The following PLA2G4A variants were observed in gnomAD, a reference collection of about 807,000 sequenced individuals.
The protein encoded by PLA2G4A is cytosolic phospholipase A2.
PLA2G4A carries 40 observed loss-of-function variants against 81.9 expected under a neutral mutation model. That is an observed-to-expected ratio of 0.49 (90% CI 0.38 to 0.64). The LOEUF (loss-of-function observed/expected upper bound fraction) is 0.64. Ranked by LOEUF, PLA2G4A falls within the 30% of genes least tolerant of loss-of-function variation. The pLI is 0.00. For synonymous variants in PLA2G4A, 302 were observed against 296.9 expected, an observed-to-expected ratio of 1.02 and a Z score of -0.18; for missense variants, 715 against 905.1, an observed-to-expected ratio of 0.79 and a Z score of 2.69.
In PLA2G4A at chr1:186,860,567, T is replaced by C. The variant is rs144986800; in HGVS notation, c.33+6180T>C. ...CTGAGACCACTGATTCAAATGGTAA[T>C]GTCGTTTAGAAATACCCTCACAGGC... is the stretch of plus-strand genomic sequence containing the variant. On this transcript the variant is annotated intron_variant, in intron 2 of 17. Transcript: ENST00000367466. 3.2e-3 allele frequency among the ~76,000 whole-genome samples: 481 copies of C among 152,294 alleles called. 2 individuals carry two copies. The highest frequency in any genetic ancestry group is 5.1e-3 in the Non-Finnish European group (347 of 68,026).
At chr1:186,897,984 C>A (rs1201156293) in intron 5 of PLA2G4A, among the ~76,000 whole-genome samples, 2 of 152,104 alleles carry the variant, frequency 1.3e-5, no homozygotes, top group African/African-American at 2.4e-5. Flanking sequence ...CTTTTGGAGT[C>A]TCCAGTGTCT....
chr1:186,833,035 A>G (rs1267198982), intron 1 of PLA2G4A, among the ~76,000 whole-genome samples: 1 of 152,076 alleles, frequency 6.6e-6, no homozygotes, highest in Non-Finnish European at 1.5e-5. Flanking sequence ...GATGGCCAAA[A>G]CCCAGCACCA....
intron 14 of PLA2G4A, among the ~76,000 whole-genome samples, chr1:186,959,376 A>G (rs1344771192): frequency 6.6e-6 from 1 of 152,202 alleles, no homozygotes; most frequent in African/African-American, 2.4e-5. Flanking sequence ...GGCATTATAT[A>G]AACCAATTTT....
intron 16 of PLA2G4A, 151 bp downstream of exon 16, chr1:186,977,939 CA>C (rs1346055682): frequency 5.7e-5 from 38 of 667,944 alleles, no homozygotes; most frequent in Non-Finnish European, 7.6e-5. Context: ...TCTGAGACCT[CA>C]AGTACTTCTC....
intron 7 of PLA2G4A, among the ~76,000 whole-genome samples, chr1:186,920,044 G>T (rs565637203): frequency 6.6e-6 from 1 of 152,282 alleles, no homozygotes; most frequent in South Asian, 2.1e-4. Flanking sequence ...GAGCACGGGG[G>T]CTTGGTTGAC....
At chr1:186,898,570 C>A (rs1654428098) in intron 5 of PLA2G4A, among the ~76,000 whole-genome samples, 1 of 152,102 alleles carries the variant, frequency 6.6e-6, no homozygotes, top group East Asian at 1.9e-4. Context: ...TAAAGGTATG[C>A]AACAGAAAAC....
intron 15 of PLA2G4A, among the ~76,000 whole-genome samples, chr1:186,973,901 C>A (rs1271573089): frequency 2.6e-5 from 4 of 151,986 alleles, no homozygotes; most frequent in Non-Finnish European, 5.9e-5. Context: ...GCTTATATGC[C>A]ATCCTTCTCC....
intron 8 of PLA2G4A, among the ~76,000 whole-genome samples, chr1:186,936,528 A>T (rs1655950496): frequency 6.6e-6 from 1 of 151,968 alleles, no homozygotes; most frequent in South Asian, 2.1e-4. Context: ...TCCTTAACAG[A>T]TGTTGAGGGT....
chr1:186,829,381 G>A (rs1571314096), intron 1 of PLA2G4A, among the ~76,000 whole-genome samples: 2 of 152,310 alleles, frequency 1.3e-5, no homozygotes, highest in African/African-American at 4.8e-5. Context: ...AATGGTTACT[G>A]ATCCCCAAAC....
At chr1:186,845,198 C>A (rs539760587) in intron 1 of PLA2G4A, among the ~76,000 whole-genome samples, 4 of 152,064 alleles carry the variant, frequency 2.6e-5, no homozygotes, top group African/African-American at 9.6e-5. Flanking sequence ...CAGAGTGAGA[C>A]TCCATCAAAA....
chr1:186,904,345 C>T (rs1389282436), intron 5 of PLA2G4A, among the ~76,000 whole-genome samples: 1 of 152,184 alleles, frequency 6.6e-6, no homozygotes, highest in African/African-American at 2.4e-5. Flanking sequence ...ATAATACAAG[C>T]AGCATGGAAG....
At chr1:186,887,262 A>G (rs889969654) in intron 3 of PLA2G4A, among the ~76,000 whole-genome samples, 18 of 152,104 alleles carry the variant, frequency 1.2e-4, no homozygotes, top group Non-Finnish European at 1.9e-4. Flanking sequence ...TTAAGTTGCT[A>G]CTGATGAAGG....
chr1:186,933,361 A>T (rs1236483638), intron 8 of PLA2G4A, among the ~76,000 whole-genome samples: 1 of 152,052 alleles, frequency 6.6e-6, no homozygotes, highest in Non-Finnish European at 1.5e-5. Context: ...AAAGAAAACA[A>T]TTTTTTTGAA....
At chr1:186,868,745 G>A (rs61810971) in intron 2 of PLA2G4A, among the ~76,000 whole-genome samples, 50,591 of 151,916 alleles carry the variant, frequency 0.33, 8,875 homozygotes, top group African/African-American at 0.4. Context: ...TTCTTCTTAT[G>A]TAAATTTTGG....
chr1:186,830,981 T>G (rs945800210), intron 1 of PLA2G4A, among the ~76,000 whole-genome samples: 3,412 of 138,420 alleles, frequency 0.025, 129 homozygotes, highest in African/African-American at 0.074. Flanking sequence ...TTTCTTTCTT[T>G]CTTTCTTTCT....
At chr1:186,899,231 A>G (rs891677826) in intron 5 of PLA2G4A, among the ~76,000 whole-genome samples, 1 of 152,192 alleles carries the variant, frequency 6.6e-6, no homozygotes, top group Non-Finnish European at 1.5e-5. Flanking sequence ...AAGGCACTCC[A>G]AGTAGAAAGG....
At chr1:186,851,730 C>G (rs1355804957) in intron 1 of PLA2G4A, among the ~76,000 whole-genome samples, 3 of 151,842 alleles carry the variant, frequency 2.0e-5, no homozygotes, top group Admixed American at 6.6e-5. Flanking sequence ...AAAAATTACT[C>G]TATTGTAGTT....
chr1:186,908,395 A>G (rs979674387), intron 6 of PLA2G4A, among the ~76,000 whole-genome samples: 1 of 151,960 alleles, frequency 6.6e-6, no homozygotes, highest in Non-Finnish European at 1.5e-5. Context: ...CATGACTTCC[A>G]GAATAATAAG....
intron 3 of PLA2G4A, among the ~76,000 whole-genome samples, chr1:186,886,162 T>C (rs537681965): frequency 5.3e-5 from 8 of 152,228 alleles, no homozygotes; most frequent in Admixed American, 1.3e-4. Context: ...CTACCTGATA[T>C]TACAATTAAT....
Sources: allele counts gnomAD v4.1 joint callset (sites outside exome capture counted in the v4.1 genomes callset), GRCh38; gene constraint gnomAD v4.1.1; transcripts MANE v1.5; gene names NCBI Gene and HGNC (gene_info 2026-07-23, HGNC 2026-07-21).